Variants in BTC observed in about 807,000 individuals in gnomAD.
BTC encodes betacellulin.
A neutral mutation model predicts 18.1 loss-of-function variants in BTC; 13 were observed. That is an observed-to-expected ratio of 0.72 (90% CI 0.47 to 1.14). The LOEUF (loss-of-function observed/expected upper bound fraction) is 1.14, where lower values mean the gene tolerates loss of function less well. Among genes scored for constraint, BTC ranks in the 50% most tolerant of loss-of-function variants. BTC has a pLI of 0.00. For synonymous variants in BTC, 83 were observed against 79.4 expected (o/e 1.05, Z -0.24); for missense variants, 247 against 224.2 (o/e 1.10, Z -0.65).
chr4:74,753,239 G>A (rs782341942), intron 3 of BTC, among the ~76,000 whole-genome samples: 33 of 152,248 alleles, frequency 2.2e-4, no homozygotes, highest in African/African-American at 5.5e-4. Context: ...AAAATTGGGC[G>A]TTGGGATCAC....
At chr4:74,772,793 T>G (rs1725077827) in intron 1 of BTC, among the ~76,000 whole-genome samples, 1 of 152,202 alleles carries the variant, frequency 6.6e-6, no homozygotes. Context: ...ATATACAATT[T>G]GCAGTCCAGT....
chr4:74,781,146 G>A (rs1725313254), intron 1 of BTC, among the ~76,000 whole-genome samples: 1 of 151,962 alleles, frequency 6.6e-6, no homozygotes, highest in African/African-American at 2.4e-5. Context: ...GTACAGGCAG[G>A]GGAAGCTCAC....
At chr4:74,785,992 G>T (rs555339476) in intron 1 of BTC, among the ~76,000 whole-genome samples, 1 of 152,130 alleles carries the variant, frequency 6.6e-6, no homozygotes, top group South Asian at 2.1e-4. Flanking sequence ...TTATTGTGAA[G>T]ATCAAATGAG....
chr4:74,756,062 TTCTC>T, intron 2 of BTC, 86 bp from the exon 3 acceptor site: 1 of 1,202,518 alleles, frequency 8.3e-7, no homozygotes. Context: ...TGCTGCCAGT[TTCTC>T]TGTAGAATAT....
chr4:74,748,390 G>C (rs1362347571), intron 4 of BTC, among the ~76,000 whole-genome samples: 1 of 152,092 alleles, frequency 6.6e-6, no homozygotes, highest in African/African-American at 2.4e-5. Context: ...CAAAAAATTG[G>C]CCGGACGTGG....
intron 1 of BTC, among the ~76,000 whole-genome samples, chr4:74,782,840 C>A (rs2109914940): frequency 1.3e-5 from 2 of 152,286 alleles, no homozygotes; most frequent in South Asian, 4.1e-4. Flanking sequence ...ATTCTCATTT[C>A]TCTAATGATC....
intron 3 of BTC, among the ~76,000 whole-genome samples, chr4:74,754,407 C>T (rs1316311084): frequency 6.6e-6 from 1 of 152,134 alleles, no homozygotes; most frequent in African/African-American, 2.4e-5. Flanking sequence ...CAGTTATGCT[C>T]CAGTGGATAA....
intron 1 of BTC, among the ~76,000 whole-genome samples, chr4:74,784,318 C>T (rs574847617): frequency 6.6e-6 from 1 of 151,936 alleles, no homozygotes; most frequent in Non-Finnish European, 1.5e-5. Context: ...TGCTTATCAG[C>T]TTAATAAGCT....
At chr4:74,755,782 A>ACTTTCC in intron 3 of BTC, 77 bp downstream of exon 3, 1 of 1,354,964 alleles carries the variant, frequency 7.4e-7, no homozygotes, top group East Asian at 2.3e-5. Context: ...GTTAGCTCAC[A>ACTTTCC]CTTTCCAGTC....
chr4:74,763,048 T>A (rs1560714449), intron 2 of BTC, among the ~76,000 whole-genome samples: 1 of 152,208 alleles, frequency 6.6e-6, no homozygotes, highest in Non-Finnish European at 1.5e-5. Context: ...GGTTTCTCAT[T>A]GATTTCTCAA....
At chr4:74,766,263 G>T (rs926970865) in intron 2 of BTC, among the ~76,000 whole-genome samples, 9 of 151,840 alleles carry the variant, frequency 5.9e-5, no homozygotes, top group African/African-American at 2.2e-4. Flanking sequence ...CAATACATTT[G>T]TATTATAAAA....
At chr4:74,785,124 G>A (rs188598660) in intron 1 of BTC, among the ~76,000 whole-genome samples, 104 of 152,118 alleles carry the variant, frequency 6.8e-4, no homozygotes, top group African/African-American at 2.3e-3. Context: ...GTCTGTTCAG[G>A]GATTCAATTT....
intron 3 of BTC, among the ~76,000 whole-genome samples, chr4:74,752,195 G>A (rs1217392898): frequency 6.6e-6 from 1 of 152,088 alleles, no homozygotes; most frequent in African/African-American, 2.4e-5. Flanking sequence ...GCAAGCAAAG[G>A]AGAAAAGACA....
In BTC at chr4:74,745,925, T is replaced by C. The variant is rs1724275913; in HGVS notation, c.*752A>G. 1 of 152,112 alleles carries C rather than the reference T, an allele frequency of 6.6e-6. No individual in the cohort carries two copies. Among genetic ancestry groups the C allele is most frequent in the Non-Finnish European group, 1.5e-5 (1 of 68,000 alleles). The allele number at this position is 152,112 out of a possible 1,614,324, so 9.4% of individuals were successfully genotyped here. On this transcript the variant is annotated 3_prime_UTR_variant, in exon 6 of 6. Coordinates refer to ENST00000395743, the MANE Select transcript of BTC (RefSeq NM_001729.4). ...GAATTTATAAAGGAGCAAAGAAACA[T>C]AATAAAAGCCAATTCTATAGAAAGC...
chr4:74,748,095 C>G lies in BTC; in HGVS notation c.483G>C (p.Leu161=). 6.2e-7 allele frequency: 1 copy of G among 1,610,868 alleles called. No homozygotes were observed. The highest frequency in any genetic ancestry group is 8.5e-7 in the Non-Finnish European group (1 of 1,178,984). ...RKKKEEEMET[L]GKDITPINED... The stretch of plus-strand genomic sequence containing the variant: ...CATTGATAGGAGTTATATCTTTACC[C>G]AGAGTTTCCATTTCTTCTTCTTTCT... Residue 161 remains leucine, a synonymous_variant, in exon 5 of 6, where the codon CTG becomes CTC. Transcript: ENST00000395743.
At chr4:74,791,822 C>T (rs1032456836) in intron 1 of BTC, among the ~76,000 whole-genome samples, 6 of 152,064 alleles carry the variant, frequency 3.9e-5, no homozygotes, top group African/African-American at 1.4e-4. Context: ...AGGGCATCAC[C>T]ATCTAATGAA....
intron 1 of BTC, among the ~76,000 whole-genome samples, chr4:74,791,565 GTACCA>G (rs1224529388): frequency 6.6e-6 from 1 of 152,038 alleles, no homozygotes; most frequent in Non-Finnish European, 1.5e-5. Context: ...AAATGTATTT[GTACCA>G]TATAATCTGC....
At chr4:74,781,957 C>A (rs932535406) in intron 1 of BTC, among the ~76,000 whole-genome samples, 2 of 152,066 alleles carry the variant, frequency 1.3e-5, no homozygotes, top group Non-Finnish European at 2.9e-5. Context: ...CAGTCATTTT[C>A]TTTTTTGTAA....
chr4:74,751,913 C>G (rs1724470932), intron 3 of BTC, among the ~76,000 whole-genome samples: 1 of 152,098 alleles, frequency 6.6e-6, no homozygotes. Context: ...TGATACTGGT[C>G]ATATACATAA....
Sources: allele counts gnomAD v4.1 joint callset (sites outside exome capture counted in the v4.1 genomes callset), GRCh38; gene constraint gnomAD v4.1.1; transcripts MANE v1.5; gene names NCBI Gene and HGNC (gene_info 2026-07-23, HGNC 2026-07-21).